Variants in FLRT1 observed in about 807,000 individuals in gnomAD.
The protein encoded by FLRT1 is leucine-rich repeat transmembrane protein FLRT1.
Under a neutral mutation model 30.9 loss-of-function variants are expected in FLRT1, and 14 were observed. The observed-to-expected ratio is 0.45, with a 90% confidence interval of 0.30 to 0.71. The LOEUF (loss-of-function observed/expected upper bound fraction) is 0.71. Ranked by LOEUF, FLRT1 falls within the 30% of genes least tolerant of loss-of-function variation. The pLI, the probability that FLRT1 is intolerant of heterozygous loss-of-function variation, is 0.08. For missense variants in FLRT1, 737 were observed against 949.2 expected, an observed-to-expected ratio of 0.78 and a Z score of 2.94; for synonymous variants, 368 against 430.4, an observed-to-expected ratio of 0.85 and a Z score of 1.80.
rs1403918893 is a variant in FLRT1 at position 64,090,432 on chromosome 11, C to G, written c.-1037-12762C>G. ...TTCCTCAACTCACCTCCAGCCCGGG[C>G]AGCAGTGGGTCGATAATAATTTACG... On this transcript the variant is annotated intron_variant, in intron 1 of 2. Coordinates refer to ENST00000682287, the MANE Select transcript of FLRT1 (RefSeq NM_013280.5). This position sits in a 1 kb window ranked among gnomAD's most constrained non-coding sequence, Gnocchi z 4.7. 6.6e-6 allele frequency among the ~76,000 whole-genome samples: 1 copy of G among 152,218 alleles called. No individual in the cohort carries two copies. The highest frequency in any genetic ancestry group is 1.5e-5 in the Non-Finnish European group (1 of 68,036).
At chr11:64,070,470 G>A (rs1026347330) in intron 1 of FLRT1, among the ~76,000 whole-genome samples, 3 of 152,210 alleles carry the variant, frequency 2.0e-5, no homozygotes, top group Non-Finnish European at 2.9e-5. Flanking sequence ...ACAAATAGGA[G>A]CTGGTGGGAA....
chr11:64,065,571 C>T lies in FLRT1; in HGVS notation c.-1038+29412C>T, dbSNP rs576288374. Among the ~76,000 whole-genome samples, 55 of 152,044 alleles carry T rather than the reference C, an allele frequency of 3.6e-4. 1 individual carries two copies. Among genetic ancestry groups the T allele is most frequent in the African/African-American group, 1.0e-3 (42 of 41,476 alleles). The stretch of plus-strand genomic sequence containing the variant: ...TTGGGAGGCCAAGGTGGGCGAATCA[C>T]GAGGTCAGGAGATCAAGACCATCCT... On this transcript the variant is annotated intron_variant, in intron 1 of 2. Coordinates refer to ENST00000682287, the MANE Select transcript of FLRT1 (RefSeq NM_013280.5).
rs1945005930 is a variant in FLRT1 at position 64,117,309 on chromosome 11, G to A, written c.1042G>A (p.Ala348Thr). The A allele has an allele frequency of 1.9e-6, 3 of 1,614,024 alleles. No individual in the cohort carries two copies. Among genetic ancestry groups the A allele is most frequent in the Non-Finnish European group, 1.7e-6 (2 of 1,180,018 alleles). The change falls in exon 3 of 3, where the codon GCC (alanine) becomes ACC (threonine). Residue 348 changes from alanine (A) to threonine (T), a missense_variant. Transcript: ENST00000682287. ...GCGGGACTGGGTGAAGGCACGGGCGGCCGTGGTCAACGTGCGGGGCCTCAT... is the reference window on the plus strand; with the variant it reads ...GCGGGACTGGGTGAAGGCACGGGCGACCGTGGTCAACGTGCGGGGCCTCAT... ...WLRDWVKARAAVVNVRGLMCQ... is the reference protein window; with the variant it reads ...WLRDWVKARATVVNVRGLMCQ...
In FLRT1 at chr11:64,116,990, C is replaced by T. The variant is rs928607984; in HGVS notation, c.723C>T (p.Asp241=). 1.5e-5 allele frequency: 24 copies of T among 1,612,412 alleles called. No homozygotes were observed. Among genetic ancestry groups the T allele is most frequent in the Middle Eastern group, 3.3e-4 (2 of 6,084 alleles). Residue 241 remains aspartate, a synonymous_variant, in exon 3 of 3, where the codon GAC becomes GAT. Coordinates refer to ENST00000682287, the MANE Select transcript of FLRT1 (RefSeq NM_013280.5). The stretch of plus-strand genomic sequence containing the variant: ...TGCTGGCCAACCAGCGCATCGCCGA[C>T]GACACCTTCAGCCGCCTACAGAACC... ...GNLLANQRIA[D]DTFSRLQNLT...
intron 1 of FLRT1, among the ~76,000 whole-genome samples, chr11:64,044,899 GCTGGGC>G (rs1157502554): frequency 6.6e-6 from 1 of 152,232 alleles, no homozygotes; most frequent in Non-Finnish European, 1.5e-5. Flanking sequence ...CCCACTGTGT[GCTGGGC>G]CTGGGGCTGG....
intron 2 of FLRT1, among the ~76,000 whole-genome samples, chr11:64,105,136 G>A (rs558889449): frequency 5.9e-5 from 9 of 152,360 alleles, no homozygotes; most frequent in Admixed American, 2.6e-4. Flanking sequence ...GATGCCCTGC[G>A]GATGGGCTAT....
At chr11:64,048,339 C>T (rs1410859398) in intron 1 of FLRT1, among the ~76,000 whole-genome samples, 11 of 152,242 alleles carry the variant, frequency 7.2e-5, no homozygotes, top group Admixed American at 7.2e-4. Context: ...TGCACTGTCC[C>T]TGCCCTGACC....
intron 1 of FLRT1, among the ~76,000 whole-genome samples, chr11:64,088,650 G>C (rs1944437192): frequency 6.6e-6 from 1 of 152,160 alleles, no homozygotes; most frequent in African/African-American, 2.4e-5. Context: ...CACCCTTATT[G>C]GTTGTGTGAC....
At chr11:64,089,671 G>T (rs1944456237) in intron 1 of FLRT1, among the ~76,000 whole-genome samples, 2 of 152,234 alleles carry the variant, frequency 1.3e-5, no homozygotes, top group African/African-American at 4.8e-5. Flanking sequence ...GTGATGCCTT[G>T]AGAGAAGCTG....
In FLRT1 at chr11:64,043,324, C is replaced by A. The variant is rs574409656; in HGVS notation, c.-1038+7165C>A. On this transcript the variant is annotated intron_variant, in intron 1 of 2. Coordinates refer to ENST00000682287, the MANE Select transcript of FLRT1 (RefSeq NM_013280.5). ...GCTGGAGAGGGGCTGTACAGGCTAG[C>A]TTTCCGCCCTCAGGACCCCACCCTC... Among the ~76,000 whole-genome samples the A allele has an allele frequency of 3.3e-5, 5 of 152,322 alleles. No individual in the cohort carries two copies. In the South Asian group the frequency reaches 1.0e-3, roughly 32 times the overall value.
At chr11:64,113,993 T>G (rs1380455391) in intron 2 of FLRT1, among the ~76,000 whole-genome samples, 2 of 148,218 alleles carry the variant, frequency 1.3e-5, no homozygotes, top group African/African-American at 5.0e-5. Context: ...ATTGGATGGA[T>G]GAATGGACAG....
At position 64,116,285 on chromosome 11, in the gene FLRT1, C is replaced by T. The variant is rs1944978243; in HGVS notation, c.18C>T (p.Pro6=). 6.3e-7 allele frequency: 1 copy of T among 1,599,024 alleles called. No homozygotes were observed. The highest frequency in any genetic ancestry group is 1.1e-5 in the South Asian group (1 of 90,244). ...CATCCACCATGGTGGTGGCACACCC[C>T]ACCGCCACTGCCACCACCACGCCCA... is the stretch of plus-strand genomic sequence containing the variant. The part of the protein sequence containing the change: MVVAH[P]TATATTTPTA... Residue 6 remains proline (P), a synonymous_variant, in exon 3 of 3, where the codon CCC becomes CCT. Transcript: ENST00000682287.
At chr11:64,045,429 A>G (rs1307788199) in intron 1 of FLRT1, among the ~76,000 whole-genome samples, 1 of 152,220 alleles carries the variant, frequency 6.6e-6, no homozygotes, top group Non-Finnish European at 1.5e-5. Context: ...TGAAGAGCGC[A>G]GGAGAGAGGA....
chr11:64,043,909 G>C (rs966059943), intron 1 of FLRT1, among the ~76,000 whole-genome samples: 1 of 151,784 alleles, frequency 6.6e-6, no homozygotes, highest in African/African-American at 2.4e-5. Flanking sequence ...TCTGCAACAG[G>C]TTCAAGCTAT....
At chr11:64,099,155 G>A (rs1365768647) in intron 1 of FLRT1, among the ~76,000 whole-genome samples, 2 of 152,224 alleles carry the variant, frequency 1.3e-5, no homozygotes, top group Non-Finnish European at 2.9e-5. Context: ...ACATGTGACT[G>A]TCATAACATG....
intron 1 of FLRT1, among the ~76,000 whole-genome samples, chr11:64,098,469 C>T (rs1350411963): frequency 6.6e-6 from 1 of 152,224 alleles, no homozygotes; most frequent in East Asian, 1.9e-4. Flanking sequence ...GCAATGCTCT[C>T]CCTGCCCCCA....
rs943105373 is a variant in FLRT1 at position 64,036,746 on chromosome 11, G to T, written c.-1038+587G>T. Among the ~76,000 whole-genome samples, 1 of 152,218 alleles carries T rather than the reference G, an allele frequency of 6.6e-6. No individual in the cohort carries two copies. Among genetic ancestry groups the T allele is most frequent in the African/African-American group, 2.4e-5 (1 of 41,454 alleles). On this transcript the variant is annotated intron_variant, in intron 1 of 2. Transcript: ENST00000682287. The surrounding 1 kb of genome is among the most constrained non-coding windows in gnomAD (Gnocchi z 5.6). ...ACCGTCAGCCCTGAGCCGGGCGGGG[G>T]CTGGGGCCGTACACCTGGCGGCTGG...
intron 1 of FLRT1, among the ~76,000 whole-genome samples, chr11:64,078,841 C>T (rs912576784): frequency 3.3e-5 from 5 of 152,158 alleles, no homozygotes; most frequent in Non-Finnish European, 7.4e-5. Flanking sequence ...CTTGAGGACA[C>T]ATAGCTGGCC....
chr11:64,062,561 C>G (rs1208636537), intron 1 of FLRT1, among the ~76,000 whole-genome samples: 1 of 152,230 alleles, frequency 6.6e-6, no homozygotes, highest in Non-Finnish European at 1.5e-5. Flanking sequence ...TGTACAAGCT[C>G]GGTCTCTGTT....
Sources: allele counts gnomAD v4.1 joint callset (sites outside exome capture counted in the v4.1 genomes callset), GRCh38; gene constraint gnomAD v4.1.1; non-coding constraint Gnocchi (gnomAD v3.1); transcripts MANE v1.5; gene names NCBI Gene and HGNC (gene_info 2026-07-23, HGNC 2026-07-21).